The following FAM184B variants were observed in gnomAD, a reference collection of about 807,000 sequenced individuals.
The protein encoded by FAM184B is family with sequence similarity 184 member B, also known as protein FAM184B.
In FAM184B, 111 loss-of-function variants were observed where a neutral mutation model predicts 135.9. That is an observed-to-expected ratio of 0.82 (90% CI 0.70 to 0.96). The LOEUF is 0.96. FAM184B is among the 40% of genes least tolerant of loss of function. The pLI is 0.00. For missense variants in FAM184B, 1,375 were observed against 1,323.9 expected (o/e 1.04, Z -0.60); for synonymous variants, 552 against 524.8 (o/e 1.05, Z -0.71).
chr4:17,748,647 G>T (rs1400484565), intron 1 of FAM184B, among the ~76,000 whole-genome samples: 2 of 151,146 alleles, frequency 1.3e-5, no homozygotes, highest in Non-Finnish European at 2.9e-5. Flanking sequence ...CTCCCAAGTA[G>T]CTGGGTTCAC....
chr4:17,690,037 A>G (rs574974014), intron 6 of FAM184B, among the ~76,000 whole-genome samples: 5 of 152,084 alleles, frequency 3.3e-5, no homozygotes, highest in Non-Finnish European at 7.4e-5. Context: ...AATCCCAGCT[A>G]CTTGGGAGGC....
In FAM184B at chr4:17,657,642, T is replaced by C. The variant is rs114813030; in HGVS notation, c.2037+708A>G. Reference sequence around the variant, plus strand: ...TCCCAAACCCTTGGAAAGGTCTTTGTGGCTGAGCTGTTCTTTTTTTTTTTT... The same window carrying C: ...TCCCAAACCCTTGGAAAGGTCTTTGCGGCTGAGCTGTTCTTTTTTTTTTTT... On this transcript the variant is annotated intron_variant, in intron 10 of 17. Transcript: ENST00000265018. Among the ~76,000 whole-genome samples the C allele has an allele frequency of 1.0e-3, 149 of 145,782 alleles. 1 individual carries two copies. Among genetic ancestry groups the C allele is most frequent in the African/African-American group, 3.6e-3 (144 of 39,904 alleles).
intron 1 of FAM184B, among the ~76,000 whole-genome samples, chr4:17,768,434 C>T (rs1280429297): frequency 1.3e-5 from 2 of 152,190 alleles, no homozygotes; most frequent in Admixed American, 6.5e-5. Flanking sequence ...CCCGCCACGC[C>T]CAGCTAATTT....
Position 17,642,226 on chromosome 4 carries a change from C to T in FAM184B, c.2349G>A (p.Glu783=). ...DSKDHIIATE[E]RGGPGQAGSP... is the part of the protein sequence containing the mutation. ...AGCCGGCCTGGCCCGGGCCGCCCCGCTCCTGAGGAAGGCAACCAGGAGAGG... is the reference window on the plus strand; with the variant it reads ...AGCCGGCCTGGCCCGGGCCGCCCCGTTCCTGAGGAAGGCAACCAGGAGAGG... The change falls in exon 13 of 18, where the codon GAG becomes GAA. Residue 783 remains glutamate (E), a splice_region_variant and synonymous_variant. Transcript: ENST00000265018. 2.0e-6 allele frequency: 3 copies of T among 1,482,968 alleles called. No individual in the cohort carries two copies. Among genetic ancestry groups the T allele is most frequent in the East Asian group, 2.6e-5 (1 of 38,368 alleles). The allele number at this position is 1,482,968 out of a possible 1,614,324, so 91.9% of individuals were successfully genotyped here.
chr4:17,766,916 C>G (rs753706338), intron 1 of FAM184B, among the ~76,000 whole-genome samples: 1 of 152,192 alleles, frequency 6.6e-6, no homozygotes, highest in East Asian at 1.9e-4. Context: ...AGGGGAGGCT[C>G]AGGCATGGTG....
intron 5 of FAM184B, among the ~76,000 whole-genome samples, chr4:17,694,118 G>A (rs1014248044): frequency 1.3e-5 from 2 of 152,084 alleles, no homozygotes; most frequent in African/African-American, 2.4e-5. Flanking sequence ...GTGTCATCTC[G>A]AGCACATTTC....
chr4:17,682,608 C>T (rs558344822), intron 7 of FAM184B, among the ~76,000 whole-genome samples: 4 of 152,268 alleles, frequency 2.6e-5, no homozygotes, highest in South Asian at 2.1e-4. Flanking sequence ...TAGCGGTTCT[C>T]GTGCCTCAGT....
rs571370549 is a variant in FAM184B at position 17,664,017 on chromosome 4, C to T, written c.1694+545G>A. On this transcript the variant is annotated intron_variant, in intron 8 of 17. Transcript: ENST00000265018. Reference sequence around the variant, plus strand: ...CAAGCAGAATTGTGAGTCAATTAAACCTCTTTCCTTTATAAATTACCCAGT... The same window carrying T: ...CAAGCAGAATTGTGAGTCAATTAAATCTCTTTCCTTTATAAATTACCCAGT... 3.0e-4 allele frequency among the ~76,000 whole-genome samples: 46 copies of T among 152,284 alleles called. 1 individual carries two copies. The South Asian group carries it at 9.1e-3, about 30-fold the overall frequency.
At chr4:17,719,413 T>G (rs970593947) in intron 1 of FAM184B, among the ~76,000 whole-genome samples, 8 of 152,250 alleles carry the variant, frequency 5.3e-5, no homozygotes, top group Non-Finnish European at 1.0e-4. Context: ...TGTTTATTTC[T>G]GGAATTTTCC....
chr4:17,660,646 C>A (rs1715895823), intron 8 of FAM184B, among the ~76,000 whole-genome samples: 1 of 151,900 alleles, frequency 6.6e-6, no homozygotes, highest in Non-Finnish European at 1.5e-5. Context: ...GCAAAAGTTT[C>A]TGCATTCTAG....
In FAM184B at chr4:17,664,806, G is replaced by T. The variant is rs565975736; in HGVS notation, c.1597-147C>A. The stretch of plus-strand genomic sequence containing the variant: ...CACTATCGGTGCCCTGCTTGCAGGG[G>T]ATGCCAAGGCTTGTGATGATGACGT... On this transcript the variant is annotated intron_variant, in intron 7 of 17. Coordinates refer to ENST00000265018, the MANE Select transcript of FAM184B (RefSeq NM_015688.2). The T allele has an allele frequency of 2.0e-3, 1,300 of 638,266 alleles. 2 individuals carry two copies. Among genetic ancestry groups the T allele is most frequent in the Non-Finnish European group, 2.9e-3 (1,066 of 372,584 alleles). 39.5% of individuals were successfully genotyped at this position (638,266 alleles called of 1,614,324 possible).
intron 12 of FAM184B, among the ~76,000 whole-genome samples, 161 bp downstream of exon 12, chr4:17,647,476 C>T (rs2108934157): frequency 6.6e-6 from 1 of 152,146 alleles, no homozygotes; most frequent in South Asian, 2.1e-4. Context: ...TCTTGAAATC[C>T]TGGCCTCAAG....
rs544459432 is a variant in FAM184B at position 17,661,428 on chromosome 4, T to G, written c.1695-1341A>C. On this transcript the variant is annotated intron_variant, in intron 8 of 17. Transcript: ENST00000265018. ...TTAGCTTAGTGTGGTGGCAGCCACC[T>G]GTAATCCCAGCTACTCTGGAGGCTG... Among the ~76,000 whole-genome samples the G allele has an allele frequency of 2.0e-5, 3 of 152,166 alleles. No homozygotes were observed. The East Asian group carries it at 5.8e-4, about 30-fold the overall frequency.
chr4:17,726,205 T>C (rs1717635684), intron 1 of FAM184B, among the ~76,000 whole-genome samples: 1 of 152,140 alleles, frequency 6.6e-6, no homozygotes, highest in Non-Finnish European at 1.5e-5. Context: ...ATTACAGGTG[T>C]GAGCCACCGT....
At chr4:17,730,146 A>G (rs1243815095) in intron 1 of FAM184B, among the ~76,000 whole-genome samples, 1 of 152,252 alleles carries the variant, frequency 6.6e-6, no homozygotes, top group Non-Finnish European at 1.5e-5. Flanking sequence ...AATGTGATCA[A>G]CTGGAAGAAA....
At chr4:17,681,674 C>A (rs773856863) in intron 7 of FAM184B, among the ~76,000 whole-genome samples, 16 of 152,162 alleles carry the variant, frequency 1.1e-4, no homozygotes, top group Non-Finnish European at 1.3e-4. Flanking sequence ...GCAAACCACT[C>A]AGGGCCTCCA....
At chr4:17,693,666 T>C (rs1432446280) in intron 5 of FAM184B, among the ~76,000 whole-genome samples, 1 of 152,186 alleles carries the variant, frequency 6.6e-6, no homozygotes, top group Non-Finnish European at 1.5e-5. Context: ...AATAAAAAAA[T>C]GCTCATTACT....
intron 1 of FAM184B, among the ~76,000 whole-genome samples, chr4:17,766,795 G>C (rs1043482309): frequency 3.9e-5 from 6 of 152,256 alleles, no homozygotes; most frequent in Non-Finnish European, 8.8e-5. Context: ...TGCCAGTCCC[G>C]CGCAGAGCAC....
intron 2 of FAM184B, among the ~76,000 whole-genome samples, chr4:17,708,670 T>TATATATATATATATAG: frequency 3.9e-5 from 1 of 25,806 alleles, no homozygotes; most frequent in Non-Finnish European, 6.4e-5. Flanking sequence ...AAACTATATA[T>TATATATATATATATAG]ATATATATAT....
Sources: gnomAD v4.1 joint callset for allele counts (sites outside exome capture counted in the v4.1 genomes callset) on GRCh38, gnomAD v4.1.1 for gene constraint, MANE v1.5 for transcripts, NCBI Gene and HGNC (gene_info 2026-07-23, HGNC 2026-07-21) for gene names.